Variants in RANBP2 observed in about 807,000 individuals in gnomAD.
RANBP2 encodes the protein E3 SUMO-protein ligase RanBP2.
RANBP2 carries 57 observed loss-of-function variants against 303.6 expected under a neutral mutation model. That is an observed-to-expected ratio of 0.19 (90% CI 0.15 to 0.23). The LOEUF (loss-of-function observed/expected upper bound fraction) is 0.23, where lower values mean the gene tolerates loss of function less well. Among genes scored for constraint, RANBP2 ranks in the 10% least tolerant of loss-of-function variants. The probability of loss-of-function intolerance (pLI) is 1.00; values close to 1 mark genes in which losing one functional copy is unlikely to be tolerated. For synonymous variants in RANBP2, 1,167 were observed against 1,301.5 expected (o/e 0.90, Z 2.23); for missense variants, 3,138 against 3,780.8 (o/e 0.83, Z 4.46).
At chr2:109,657,723 T>TC in the RANBP2 span, among the ~76,000 whole-genome samples, 1 of 142,898 alleles carries the variant, frequency 7.0e-6, no homozygotes, top group African/African-American at 2.6e-5. Context: ...AGTTTTTTTT[T>TC]TTTTTTTTTT....
At chr2:109,063,075 G>T in the RANBP2 span, among the ~76,000 whole-genome samples, 298 of 152,286 alleles carry the variant, frequency 2.0e-3, 1 homozygote, top group African/African-American at 7.0e-3. Context: ...ACCTGCTGGA[G>T]TGTGTGCCCC....
At chr2:109,088,079 G>A in the RANBP2 span, among the ~76,000 whole-genome samples, 5 of 152,112 alleles carry the variant, frequency 3.3e-5, no homozygotes, top group Middle Eastern at 3.4e-3. Context: ...CCTGGTCAAC[G>A]TGGTGAAACC....
the RANBP2 span, among the ~76,000 whole-genome samples, chr2:109,741,491 G>A: frequency 1.7e-4 from 24 of 144,316 alleles, 1 homozygote; most frequent in Middle Eastern, 6.8e-3. Flanking sequence ...GGCCGAGGCC[G>A]GCAGATCACT....
chr2:109,258,588 G>T, the RANBP2 span, among the ~76,000 whole-genome samples: 1 of 152,192 alleles, frequency 6.6e-6, no homozygotes, highest in Admixed American at 6.5e-5. Flanking sequence ...CAGTCATCCC[G>T]CAATTCCCCA....
chr2:108,803,083 G>A, the RANBP2 span, among the ~76,000 whole-genome samples: 2 of 152,190 alleles, frequency 1.3e-5, no homozygotes, highest in Non-Finnish European at 2.9e-5. Flanking sequence ...AAATCCTAAT[G>A]CATTTCTCAA....
the RANBP2 span, among the ~76,000 whole-genome samples, chr2:109,186,236 C>T: frequency 3.3e-5 from 5 of 152,334 alleles, no homozygotes; most frequent in African/African-American, 9.6e-5. Flanking sequence ...GAGTGCTTCC[C>T]GTGTACGAGA....
the RANBP2 span, among the ~76,000 whole-genome samples, chr2:109,473,524 G>A: frequency 6.6e-6 from 1 of 152,316 alleles, no homozygotes; most frequent in Non-Finnish European, 1.5e-5. Flanking sequence ...GCCATGCCAG[G>A]GTTAGAGCGA....
At chr2:109,345,121 G>A in the RANBP2 span, among the ~76,000 whole-genome samples, 1 of 152,172 alleles carries the variant, frequency 6.6e-6, no homozygotes, top group Admixed American at 6.5e-5. Context: ...CTGGGTGGTG[G>A]CCTACAGCCC....
At chr2:108,896,331 G>A in the RANBP2 span, 1 of 154,550 alleles carries the variant, frequency 6.5e-6, no homozygotes, top group Non-Finnish European at 1.4e-5. Flanking sequence ...GGAGCAGGGT[G>A]TCTGCATTTT....
chr2:108,744,787 A>G (rs190287632), intron 7 of RANBP2, among the ~76,000 whole-genome samples: 97 of 152,316 alleles, frequency 6.4e-4, no homozygotes, highest in African/African-American at 2.0e-3. Context: ...ATATGCTATG[A>G]AGACTCCTTT....
the RANBP2 span, among the ~76,000 whole-genome samples, chr2:109,019,396 G>C: frequency 6.6e-6 from 1 of 152,194 alleles, no homozygotes; most frequent in African/African-American, 2.4e-5. Flanking sequence ...GAGGTGTGGG[G>C]AGTTGTTTTT....
the RANBP2 span, among the ~76,000 whole-genome samples, chr2:109,315,253 A>G: frequency 6.6e-6 from 1 of 152,234 alleles, no homozygotes; most frequent in African/African-American, 2.4e-5. Context: ...ATAGTAAGGC[A>G]GAAAGACGTG....
chr2:109,161,777 C>T, the RANBP2 span, among the ~76,000 whole-genome samples: 1 of 152,040 alleles, frequency 6.6e-6, no homozygotes, highest in Admixed American at 6.5e-5. Flanking sequence ...AGAGCTCACT[C>T]ACCACCACCC....
chr2:108,815,323 C>T, the RANBP2 span, among the ~76,000 whole-genome samples: 1 of 151,876 alleles, frequency 6.6e-6, no homozygotes, highest in South Asian at 2.1e-4. Flanking sequence ...TCTTATCAAA[C>T]TTGGATAAAG....
chr2:109,528,902 G>T, the RANBP2 span, among the ~76,000 whole-genome samples: 2 of 152,198 alleles, frequency 1.3e-5, no homozygotes, highest in Non-Finnish European at 1.5e-5. Context: ...GGCACGAACT[G>T]AGGAGGACTC....
At chr2:108,852,069 A>G in the RANBP2 span, among the ~76,000 whole-genome samples, 3 of 152,282 alleles carry the variant, frequency 2.0e-5, no homozygotes, top group East Asian at 3.9e-4. Flanking sequence ...AAACACCTAC[A>G]TAGCACTTAC....
the RANBP2 span, among the ~76,000 whole-genome samples, chr2:108,809,487 T>TGA: frequency 2.1e-5 from 3 of 142,888 alleles, no homozygotes; most frequent in African/African-American, 5.1e-5. Context: ...TGTGTGTGTG[T>TGA]GATCTTCAGT....
intron 7 of RANBP2, among the ~76,000 whole-genome samples, chr2:108,742,323 G>A (rs866421721): frequency 2.0e-5 from 3 of 151,624 alleles, no homozygotes; most frequent in South Asian, 4.2e-4. Context: ...ATTTTTATTT[G>A]AGACGGAGTC....
the RANBP2 span, among the ~76,000 whole-genome samples, chr2:109,522,743 T>A: frequency 2.6e-5 from 4 of 152,146 alleles, no homozygotes; most frequent in African/African-American, 9.7e-5. Context: ...TCCCACAAGC[T>A]TCCCAGTGAC....
Sources: allele counts gnomAD v4.1 joint callset (sites outside exome capture counted in the v4.1 genomes callset), GRCh38; gene constraint gnomAD v4.1.1; transcripts MANE v1.5; gene names NCBI Gene and HGNC (gene_info 2026-07-23, HGNC 2026-07-21).